The following MTA3 variants were observed in gnomAD, a reference collection of about 807,000 sequenced individuals.
MTA3 encodes metastasis-associated protein MTA3.
Under a neutral mutation model 83.5 loss-of-function variants are expected in MTA3, and 34 were observed. The ratio of observed to expected loss-of-function variants is 0.41; its 90% confidence interval spans 0.31 to 0.54. The LOEUF (loss-of-function observed/expected upper bound fraction) is 0.54, where lower values mean the gene tolerates loss of function less well. MTA3 is among the 20% of genes least tolerant of loss of function. The pLI, the probability that MTA3 is intolerant of heterozygous loss-of-function variation, is 0.33. For synonymous variants in MTA3, 303 were observed against 252.7 expected, an observed-to-expected ratio of 1.20 and a Z score of -1.89; for missense variants, 761 against 726.4, an observed-to-expected ratio of 1.05 and a Z score of -0.55.
At chr2:42,724,960 C>T (rs573424876) in intron 16 of MTA3, among the ~76,000 whole-genome samples, 1 of 152,284 alleles carries the variant, frequency 6.6e-6, no homozygotes, top group African/African-American at 2.4e-5. Flanking sequence ...TAGACAGAGA[C>T]CTTCAGCCTT....
chr2:42,645,570 A>G (rs918083983), intron 6 of MTA3, among the ~76,000 whole-genome samples: 1 of 152,058 alleles, frequency 6.6e-6, no homozygotes, highest in African/African-American at 2.4e-5. Context: ...AAACAGCCTT[A>G]CTGCTTTACT....
rs894556719 is a variant in MTA3 at position 42,754,210 on chromosome 2, C to G, written c.*811C>G. 3.0e-6 allele frequency: 3 copies of G among 985,346 alleles called. No homozygotes were observed. The highest frequency in any genetic ancestry group is 3.6e-6 in the Non-Finnish European group (3 of 829,990). The allele number at this position is 985,346 out of a possible 1,614,324, so 61.0% of individuals were successfully genotyped here. A position where few individuals can be genotyped will look rare whatever the true frequency, so the allele number is the denominator to read the frequency against. ...CAAGCCGTTTGCTTACTGCCCTGTT[C>G]CCTTGCAGCCAAACCAGCTGATGAA... On this transcript the variant is annotated 3_prime_UTR_variant, in exon 17 of 17. Transcript: ENST00000405094.
At chr2:42,597,505 C>T (rs191775257) in intron 3 of MTA3, among the ~76,000 whole-genome samples, 1 of 150,400 alleles carries the variant, frequency 6.6e-6, no homozygotes, top group Non-Finnish European at 1.5e-5. Flanking sequence ...CCTGCCTCAG[C>T]CTCCTGAGTT....
At chr2:42,552,354 A>G (rs1677151667) in intron 2 of MTA3, among the ~76,000 whole-genome samples, 1 of 152,214 alleles carries the variant, frequency 6.6e-6, no homozygotes, top group Admixed American at 6.6e-5. Context: ...TAAATTAATG[A>G]ATAATACAAG....
chr2:42,599,852 C>A (rs1013305403), intron 3 of MTA3, among the ~76,000 whole-genome samples: 1 of 152,066 alleles, frequency 6.6e-6, no homozygotes, highest in East Asian at 1.9e-4. Flanking sequence ...TCAGACTACT[C>A]TGTTCTCTAT....
In MTA3 at chr2:42,697,769, G is replaced by T; in HGVS notation, c.967-7G>T. ...ATGTAAAATGTTTTATTCATCTTTT[G>T]AATTAGAAACGTCTAAAAGCAGCAG... On this transcript the variant is annotated splice_region_variant and splice_polypyrimidine_tract_variant and intron_variant, in intron 10 of 16. Coordinates refer to ENST00000405094, the MANE Select transcript of MTA3 (RefSeq NM_001330442.2). The T allele has an allele frequency of 6.5e-7, 1 of 1,530,784 alleles. No individual in the cohort carries two copies. Among genetic ancestry groups the T allele is most frequent in the South Asian group, 1.3e-5 (1 of 76,918 alleles). 94.8% of individuals were successfully genotyped at this position (1,530,784 alleles called of 1,614,324 possible). A position where few individuals can be genotyped will look rare whatever the true frequency, so the allele number is the denominator to read the frequency against.
At chr2:42,666,459 C>G (rs911031549) in intron 8 of MTA3, among the ~76,000 whole-genome samples, 19 of 152,168 alleles carry the variant, frequency 1.2e-4, no homozygotes, top group African/African-American at 4.6e-4. Flanking sequence ...AAACAGTCCT[C>G]CGTCCTCTGG....
At chr2:42,714,666 A>T (rs778044545) in intron 14 of MTA3, among the ~76,000 whole-genome samples, 1 of 152,194 alleles carries the variant, frequency 6.6e-6, no homozygotes, top group Non-Finnish European at 1.5e-5. Context: ...GTGGTCCCCA[A>T]CCTTTTTGGT....
At chr2:42,618,981 A>C (rs976879012) in intron 4 of MTA3, among the ~76,000 whole-genome samples, 3 of 152,166 alleles carry the variant, frequency 2.0e-5, no homozygotes, top group Non-Finnish European at 4.4e-5. Context: ...CTGACAGAGG[A>C]GCCTCATTAC....
chr2:42,617,548 A>G (rs1436788238), intron 4 of MTA3, among the ~76,000 whole-genome samples: 1 of 152,154 alleles, frequency 6.6e-6, no homozygotes, highest in Non-Finnish European at 1.5e-5. Context: ...ATGGTGGCTC[A>G]AACGTGTAAT....
intron 6 of MTA3, among the ~76,000 whole-genome samples, chr2:42,654,810 C>G (rs1361967830): frequency 2.0e-5 from 3 of 152,136 alleles, no homozygotes; most frequent in Non-Finnish European, 4.4e-5. Context: ...GAGTTGGAGT[C>G]TCACTGTGTT....
intron 2 of MTA3, among the ~76,000 whole-genome samples, chr2:42,511,391 A>C (rs1263044372): frequency 1.5e-4 from 22 of 150,874 alleles, no homozygotes; most frequent in Non-Finnish European, 2.9e-5. Context: ...GCCTCAGTTT[A>C]CTCTGAGATA....
chr2:42,514,681 C>CTTTTTTTTTTTTTTTT, intron 2 of MTA3, among the ~76,000 whole-genome samples: 1 of 35,838 alleles, frequency 2.8e-5, no homozygotes, highest in Non-Finnish European at 5.1e-5. Flanking sequence ...GCGCCCAGCC[C>CTTTTTTTTTTTTTTTT]CTTTTTTTTT....
rs1573688198 is a variant in MTA3 at position 42,703,943 on chromosome 2, G to C, written c.1026-251G>C. The C allele has an allele frequency of 1.3e-5, 4 of 318,692 alleles. No homozygotes were observed. The East Asian group carries it at 3.0e-4, about 24-fold the overall frequency. The allele number at this position is 318,692 out of a possible 1,614,324, so 19.7% of individuals were successfully genotyped here. ...TTCTAAGGAAATTGTATTCGGACCAGAAAAGAGATGGGACAGTATTTACTT... is the reference window on the plus strand; with the variant it reads ...TTCTAAGGAAATTGTATTCGGACCACAAAAGAGATGGGACAGTATTTACTT... On this transcript the variant is annotated intron_variant, in intron 11 of 16. Coordinates refer to ENST00000405094, the MANE Select transcript of MTA3 (RefSeq NM_001330442.2).
chr2:42,723,220 C>A (rs1050500225), intron 16 of MTA3, 185 bp downstream of exon 16: 1 of 672,820 alleles, frequency 1.5e-6, no homozygotes, highest in Non-Finnish European at 2.4e-6. Context: ...TTCTCCATCC[C>A]ATCAGGAGGT....
At chr2:42,626,517 C>T (rs1686114083) in intron 4 of MTA3, among the ~76,000 whole-genome samples, 3 of 151,420 alleles carry the variant, frequency 2.0e-5, no homozygotes, top group African/African-American at 4.9e-5. Context: ...AGGCTGGTCT[C>T]GAACTCCTGA....
chr2:42,729,672 C>G (rs1051624596), intron 16 of MTA3, among the ~76,000 whole-genome samples: 2 of 152,130 alleles, frequency 1.3e-5, no homozygotes, highest in South Asian at 2.1e-4. Context: ...TATGCCAGTA[C>G]CATGCTGTTT....
intron 16 of MTA3, among the ~76,000 whole-genome samples, chr2:42,738,948 A>G (rs561184060): frequency 6.6e-6 from 1 of 152,280 alleles, no homozygotes; most frequent in South Asian, 2.1e-4. Context: ...TCCTGATAAG[A>G]TGTTATCAAT....
intron 2 of MTA3, among the ~76,000 whole-genome samples, chr2:42,499,336 T>C (rs914345952): frequency 4.0e-5 from 6 of 151,678 alleles, no homozygotes; most frequent in African/African-American, 1.5e-4. Context: ...CCGGCTAATA[T>C]TGTATTTTTA....
Sources: gnomAD v4.1 joint callset for allele counts (sites outside exome capture counted in the v4.1 genomes callset) on GRCh38, gnomAD v4.1.1 for gene constraint, MANE v1.5 for transcripts, NCBI Gene and HGNC (gene_info 2026-07-23, HGNC 2026-07-21) for gene names.